Variants in B3GALT1 observed in about 807,000 individuals in gnomAD.
B3GALT1 encodes beta-1,3-galactosyltransferase 1.
In B3GALT1, 10 loss-of-function variants were observed where a neutral mutation model predicts 23.2. The observed-to-expected ratio is 0.43, with a 90% CI of 0.27 to 0.73. B3GALT1 has a LOEUF of 0.73. Among genes scored for constraint, B3GALT1 ranks in the 30% least tolerant of loss-of-function variants. The probability of loss-of-function intolerance (pLI) is 0.21; values close to 1 mark genes in which losing one functional copy is unlikely to be tolerated. For synonymous variants in B3GALT1, 156 were observed against 141.5 expected (o/e 1.10, Z -0.73); for missense variants, 299 against 405.4 (o/e 0.74, Z 2.25).
intron 2 of B3GALT1, among the ~76,000 whole-genome samples, chr2:167,615,907 T>A (rs1335081889): frequency 6.6e-6 from 1 of 151,994 alleles, no homozygotes; most frequent in African/African-American, 2.4e-5. Flanking sequence ...AGTTAGACAG[T>A]TCTAAGTGGT....
chr2:167,497,053 A>G (rs1395015281), intron 2 of B3GALT1, among the ~76,000 whole-genome samples: 1 of 150,824 alleles, frequency 6.6e-6, no homozygotes, highest in Non-Finnish European at 1.5e-5. Context: ...TTAAACTATA[A>G]TAAAAAAAAA....
chr2:167,426,805 A>G (rs1268319087), intron 1 of B3GALT1, among the ~76,000 whole-genome samples: 2 of 152,226 alleles, frequency 1.3e-5, no homozygotes, highest in African/African-American at 4.8e-5. Flanking sequence ...CCGCAAAATG[A>G]TGTAGCATTA....
intron 3 of B3GALT1, among the ~76,000 whole-genome samples, chr2:167,703,286 A>G (rs562252631): frequency 6.6e-6 from 1 of 152,270 alleles, no homozygotes; most frequent in East Asian, 1.9e-4. Flanking sequence ...TCAGGAATCA[A>G]CAGGGCTGCC....
intron 3 of B3GALT1, among the ~76,000 whole-genome samples, chr2:167,807,410 G>A (rs1287962950): frequency 3.9e-5 from 6 of 152,072 alleles, no homozygotes; most frequent in Admixed American, 6.6e-5. Flanking sequence ...TGATGTTAGG[G>A]TGTCAATTTT....
chr2:167,811,408 T>A (rs2105352698), intron 3 of B3GALT1, among the ~76,000 whole-genome samples: 1 of 152,340 alleles, frequency 6.6e-6, no homozygotes, highest in Non-Finnish European at 1.5e-5. Flanking sequence ...TTTGAAGGTC[T>A]ACTAAGGAAA....
At chr2:167,823,784 A>C (rs529501847) in intron 4 of B3GALT1, among the ~76,000 whole-genome samples, 1 of 152,352 alleles carries the variant, frequency 6.6e-6, no homozygotes, top group South Asian at 2.1e-4. Context: ...TGCTGTCAGC[A>C]TATCACCCAG....
chr2:167,560,086 A>T (rs565697352), intron 2 of B3GALT1, among the ~76,000 whole-genome samples: 2 of 152,256 alleles, frequency 1.3e-5, no homozygotes, highest in Admixed American at 6.5e-5. Flanking sequence ...AGGGAAGCCC[A>T]TCAGACTAAC....
At chr2:167,390,492 G>C (rs1698002421) in intron 1 of B3GALT1, among the ~76,000 whole-genome samples, 1 of 152,160 alleles carries the variant, frequency 6.6e-6, no homozygotes, top group Non-Finnish European at 1.5e-5. Context: ...CTCAATTAGA[G>C]TGCATGTATT....
At chr2:167,558,571 G>C (rs1027077174) in intron 2 of B3GALT1, among the ~76,000 whole-genome samples, 1 of 152,210 alleles carries the variant, frequency 6.6e-6, no homozygotes, top group African/African-American at 2.4e-5. Context: ...AGGGGTGACA[G>C]ATGGCACCTG....
In B3GALT1 at chr2:167,446,757, A is replaced by G. The variant is rs192975255; in HGVS notation, c.-510-43420A>G. Among the ~76,000 whole-genome samples the G allele has an allele frequency of 1.4e-4, 22 of 152,204 alleles. No homozygotes were observed. The East Asian group carries it at 2.3e-3, about 16-fold the overall frequency. On this transcript the variant is annotated intron_variant, in intron 1 of 4. Coordinates refer to ENST00000392690, the MANE Select transcript of B3GALT1 (RefSeq NM_020981.4). ...TCTACACTGGTTATTCTAGTTAGCCATTTGTCTAATCTCTTCTCACAGTTT... is the reference window on the plus strand; with the variant it reads ...TCTACACTGGTTATTCTAGTTAGCCGTTTGTCTAATCTCTTCTCACAGTTT...
intron 2 of B3GALT1, among the ~76,000 whole-genome samples, chr2:167,535,181 G>A (rs2105370244): frequency 6.6e-6 from 1 of 152,274 alleles, no homozygotes; most frequent in African/African-American, 2.4e-5. Context: ...AAGAATAAAA[G>A]CAGTAAATCA....
chr2:167,839,749 G>A (rs2105396481), intron 4 of B3GALT1, among the ~76,000 whole-genome samples: 1 of 152,070 alleles, frequency 6.6e-6, no homozygotes, highest in South Asian at 2.1e-4. Flanking sequence ...GAACAAAGCT[G>A]GAGGCATCAC....
intron 1 of B3GALT1, among the ~76,000 whole-genome samples, chr2:167,378,737 C>A (rs1488692474): frequency 1.3e-5 from 2 of 151,996 alleles, no homozygotes; most frequent in African/African-American, 4.8e-5. Context: ...TTAGAAGTTT[C>A]TTTGTGTTGA....
intron 2 of B3GALT1, among the ~76,000 whole-genome samples, chr2:167,568,217 T>A (rs1161645009): frequency 5.3e-5 from 8 of 152,100 alleles, no homozygotes; most frequent in Admixed American, 5.2e-4. Context: ...GTTTTCAACT[T>A]TTTTGAGTAA....
intron 2 of B3GALT1, among the ~76,000 whole-genome samples, chr2:167,546,220 T>G (rs1224156562): frequency 6.6e-6 from 1 of 152,200 alleles, no homozygotes; most frequent in African/African-American, 2.4e-5. Flanking sequence ...CTTCTCCCTA[T>G]GGAATCCTGG....
At chr2:167,447,592 C>G (rs112716080) in intron 1 of B3GALT1, among the ~76,000 whole-genome samples, 2,028 of 152,274 alleles carry the variant, frequency 0.013, 44 homozygotes, top group African/African-American at 0.046. Flanking sequence ...TCTCTGCCCC[C>G]TTGCAGTTGG....
At chr2:167,435,433 C>CAAAAAAAAAAAA (rs1159357073) in intron 1 of B3GALT1, among the ~76,000 whole-genome samples, 4 of 26,192 alleles carry the variant, frequency 1.5e-4, no homozygotes, top group African/African-American at 2.9e-4. Context: ...CATATGCTTG[C>CAAAAAAAAAAAA]AAAAAAAAAA....
At chr2:167,640,227 C>A (rs114865234) in intron 2 of B3GALT1, among the ~76,000 whole-genome samples, 26 of 152,144 alleles carry the variant, frequency 1.7e-4, no homozygotes, top group African/African-American at 6.3e-4. Context: ...TGAATGCTGC[C>A]TAAGGCTGTC....
chr2:167,417,707 G>A (rs975879145), intron 1 of B3GALT1, among the ~76,000 whole-genome samples: 1 of 152,180 alleles, frequency 6.6e-6, no homozygotes, highest in Non-Finnish European at 1.5e-5. Context: ...GTCTACGAGT[G>A]AATAGTTTTA....
Sources: gnomAD v4.1 joint callset for allele counts (sites outside exome capture counted in the v4.1 genomes callset) on GRCh38, gnomAD v4.1.1 for gene constraint, MANE v1.5 for transcripts, NCBI Gene and HGNC (gene_info 2026-07-23, HGNC 2026-07-21) for gene names.